The following RANBP2 variants were observed in gnomAD, a reference collection of about 807,000 sequenced individuals.
RANBP2 encodes the protein RAN binding protein 2.
RANBP2 carries 57 observed loss-of-function variants against 303.6 expected under a neutral mutation model. The observed-to-expected ratio is 0.19, with a 90% CI of 0.15 to 0.23. The LOEUF is 0.23. Ranked by LOEUF, RANBP2 falls within the 10% of genes least tolerant of loss-of-function variation. The pLI, the probability that RANBP2 is intolerant of heterozygous loss-of-function variation, is 1.00. For missense variants in RANBP2, 3,138 were observed against 3,780.8 expected (o/e 0.83, Z 4.46); for synonymous variants, 1,167 against 1,301.5 (o/e 0.90, Z 2.23).
chr2:108,941,947 G>C, the RANBP2 span, among the ~76,000 whole-genome samples: 1 of 152,248 alleles, frequency 6.6e-6, no homozygotes, highest in East Asian at 1.9e-4. Flanking sequence ...GCACAGAGAG[G>C]CCTGTCCATG....
the RANBP2 span, among the ~76,000 whole-genome samples, chr2:109,709,604 G>A: frequency 2.3e-4 from 35 of 152,276 alleles, no homozygotes; most frequent in Admixed American, 7.2e-4. Flanking sequence ...TACCTTGTAG[G>A]GTTGTAAAGA....
At chr2:109,363,800 A>G in the RANBP2 span, among the ~76,000 whole-genome samples, 2,278 of 152,230 alleles carry the variant, frequency 0.015, 49 homozygotes, top group African/African-American at 0.052. Context: ...TCTTGCTTGC[A>G]TTTTCTTTTG....
At chr2:109,343,345 T>C in the RANBP2 span, among the ~76,000 whole-genome samples, 682 of 152,226 alleles carry the variant, frequency 4.5e-3, 6 homozygotes, top group African/African-American at 0.016. Flanking sequence ...ATAAACTGCC[T>C]CTCGGCATCT....
At chr2:108,806,298 A>G in the RANBP2 span, among the ~76,000 whole-genome samples, 2 of 152,236 alleles carry the variant, frequency 1.3e-5, no homozygotes, top group Admixed American at 6.5e-5. Context: ...CCTAGCATAG[A>G]TAAACTGTTG....
At chr2:109,585,299 T>C in the RANBP2 span, 4 of 1,603,404 alleles carry the variant, frequency 2.5e-6, no homozygotes, top group Middle Eastern at 1.7e-4. Context: ...CAATCAGTGT[T>C]GATTTTCCAA....
the RANBP2 span, among the ~76,000 whole-genome samples, chr2:109,490,367 G>A: frequency 7.2e-5 from 11 of 152,230 alleles, 1 homozygote; most frequent in Non-Finnish European, 1.5e-5. Context: ...TGGTGTGCCT[G>A]CAAGCGTCAC....
the RANBP2 span, among the ~76,000 whole-genome samples, chr2:108,946,747 T>A: frequency 2.0e-5 from 3 of 152,134 alleles, no homozygotes; most frequent in Non-Finnish European, 4.4e-5. Flanking sequence ...CTCACTATCA[T>A]GAGAACATCA....
chr2:109,356,228 C>T, the RANBP2 span, among the ~76,000 whole-genome samples: 1 of 152,098 alleles, frequency 6.6e-6, no homozygotes, highest in Non-Finnish European at 1.5e-5. Flanking sequence ...GCCTCTACAC[C>T]AAAATGACTG....
At chr2:109,261,948 T>C in the RANBP2 span, among the ~76,000 whole-genome samples, 1 of 152,148 alleles carries the variant, frequency 6.6e-6, no homozygotes, top group South Asian at 2.1e-4. Context: ...ACTGGATGTG[T>C]AGCATTCCAC....
At chr2:109,245,765 C>T in the RANBP2 span, among the ~76,000 whole-genome samples, 91 of 152,238 alleles carry the variant, frequency 6.0e-4, no homozygotes, top group Non-Finnish European at 9.6e-4. Context: ...GCTATAATTC[C>T]TGGACCTTCA....
At chr2:108,841,406 A>G in the RANBP2 span, among the ~76,000 whole-genome samples, 2 of 151,960 alleles carry the variant, frequency 1.3e-5, no homozygotes, top group East Asian at 3.9e-4. Flanking sequence ...TATAACCTTC[A>G]TCTGTTTTGC....
the RANBP2 span, among the ~76,000 whole-genome samples, chr2:109,434,995 A>G: frequency 6.6e-6 from 1 of 151,602 alleles, no homozygotes; most frequent in Admixed American, 6.6e-5. Context: ...CCCTCCCTCT[A>G]CCTCTGCTGT....
chr2:109,728,183 C>G, the RANBP2 span, among the ~76,000 whole-genome samples: 4,464 of 152,274 alleles, frequency 0.029, 122 homozygotes, highest in Non-Finnish European at 0.037. Flanking sequence ...TGCCTTGCCT[C>G]AGAAGCCAGC....
At chr2:109,055,366 C>CTTTTTCTTTTTCT in the RANBP2 span, among the ~76,000 whole-genome samples, 1 of 133,460 alleles carries the variant, frequency 7.5e-6, no homozygotes, top group Admixed American at 7.9e-5. Flanking sequence ...TTTTTCTTTT[C>CTTTTTCTTTTTCT]TTTTTTTTTT....
chr2:109,335,712 C>T, the RANBP2 span, among the ~76,000 whole-genome samples: 1 of 152,280 alleles, frequency 6.6e-6, no homozygotes, highest in Middle Eastern at 3.4e-3. Flanking sequence ...TTGTTCACTC[C>T]CAAACCCCAC....
chr2:109,438,852 C>T, the RANBP2 span, among the ~76,000 whole-genome samples: 1 of 152,296 alleles, frequency 6.6e-6, no homozygotes, highest in African/African-American at 2.4e-5. Flanking sequence ...CAGGCAGGAC[C>T]AGGGGAGCAA....
the RANBP2 span, among the ~76,000 whole-genome samples, chr2:109,296,193 T>C: frequency 1.3e-5 from 2 of 151,976 alleles, no homozygotes; most frequent in Non-Finnish European, 2.9e-5. Flanking sequence ...TCCTCCCATC[T>C]CCTGGCTTCC....
the RANBP2 span, among the ~76,000 whole-genome samples, chr2:108,926,616 G>A: frequency 3.3e-5 from 5 of 152,348 alleles, no homozygotes; most frequent in South Asian, 1.0e-3. Flanking sequence ...GAGAGGTGAG[G>A]AAGCGTAACC....
the RANBP2 span, among the ~76,000 whole-genome samples, chr2:108,933,342 G>C: frequency 6.6e-6 from 1 of 152,152 alleles, no homozygotes; most frequent in African/African-American, 2.4e-5. Flanking sequence ...TGGTCTAGAA[G>C]AGAGAGTATG....
Sources: gnomAD v4.1 joint callset for allele counts (sites outside exome capture counted in the v4.1 genomes callset) on GRCh38, gnomAD v4.1.1 for gene constraint, MANE v1.5 for transcripts, NCBI Gene and HGNC (gene_info 2026-07-23, HGNC 2026-07-21) for gene names.